The following KHDRBS3 variants were observed in gnomAD, a reference collection of about 807,000 sequenced individuals.
KHDRBS3 encodes KH RNA binding domain containing, signal transduction associated 3, also known as KH domain-containing, RNA-binding, signal transduction-associated protein 3.
KHDRBS3 carries 23 observed loss-of-function variants against 45.6 expected under a neutral mutation model. That is an observed-to-expected ratio of 0.50 (90% CI 0.36 to 0.72). The LOEUF is 0.72. KHDRBS3 is among the 30% of genes least tolerant of loss of function. The pLI is 0.00. For synonymous variants in KHDRBS3, 162 were observed against 156.5 expected, an observed-to-expected ratio of 1.04 and a Z score of -0.26; for missense variants, 352 against 424.8, an observed-to-expected ratio of 0.83 and a Z score of 1.51.
chr8:135,487,555 G>A (rs538077055), intron 1 of KHDRBS3, among the ~76,000 whole-genome samples: 9 of 152,168 alleles, frequency 5.9e-5, no homozygotes, highest in Non-Finnish European at 1.2e-4. Flanking sequence ...TGGTGGAAGC[G>A]TGCCCCAAGC....
At chr8:135,480,535 T>C (rs1040965804) in intron 1 of KHDRBS3, among the ~76,000 whole-genome samples, 1 of 152,176 alleles carries the variant, frequency 6.6e-6, no homozygotes, top group Non-Finnish European at 1.5e-5. Flanking sequence ...TCTTGTCTGT[T>C]TTGTAGAACC....
chr8:135,576,430 G>C (rs191676029), intron 5 of KHDRBS3, among the ~76,000 whole-genome samples: 1 of 152,174 alleles, frequency 6.6e-6, no homozygotes, highest in African/African-American at 2.4e-5. Flanking sequence ...TGTCAGTGTG[G>C]ACTCATGGAT....
intron 2 of KHDRBS3, among the ~76,000 whole-genome samples, chr8:135,524,096 A>G (rs1409877900): frequency 2.6e-5 from 4 of 151,980 alleles, no homozygotes; most frequent in East Asian, 3.9e-4. Context: ...ACTCACTGCA[A>G]CCTCCATCTC....
intron 6 of KHDRBS3, among the ~76,000 whole-genome samples, chr8:135,603,182 C>G (rs1056682692): frequency 1.7e-4 from 26 of 152,168 alleles, no homozygotes; most frequent in African/African-American, 6.3e-4. Context: ...ATAGTTGTCT[C>G]TTTAGTTGTC....
intron 1 of KHDRBS3, among the ~76,000 whole-genome samples, chr8:135,488,281 G>T (rs1822967514): frequency 1.3e-5 from 2 of 152,182 alleles, no homozygotes; most frequent in African/African-American, 2.4e-5. Flanking sequence ...ACTAAGCGGG[G>T]AATGAATTTT....
chr8:135,499,031 C>G (rs1213600282), intron 1 of KHDRBS3, among the ~76,000 whole-genome samples: 1 of 151,980 alleles, frequency 6.6e-6, no homozygotes, highest in East Asian at 1.9e-4. Context: ...ATTTCTCATA[C>G]CCTACAACCA....
chr8:135,613,548 A>G (rs1434947680), intron 7 of KHDRBS3, among the ~76,000 whole-genome samples: 2 of 151,804 alleles, frequency 1.3e-5, no homozygotes, highest in East Asian at 3.9e-4. Flanking sequence ...GGGAGGTAGC[A>G]CAGTGTGAGC....
intron 5 of KHDRBS3, among the ~76,000 whole-genome samples, chr8:135,569,835 G>A (rs1290194117): frequency 6.6e-6 from 1 of 152,114 alleles, no homozygotes; most frequent in Non-Finnish European, 1.5e-5. Context: ...AGGCTGCAAA[G>A]ACCTTGTTTC....
chr8:135,655,600 G>A (rs761528688), intron 4 of KHDRBS3, among the ~76,000 whole-genome samples: 5 of 152,180 alleles, frequency 3.3e-5, no homozygotes, highest in East Asian at 1.9e-4. Flanking sequence ...AGCCATCGGC[G>A]ATGTCCTGAG....
chr8:135,589,815 G>A (rs1340795785), intron 6 of KHDRBS3, among the ~76,000 whole-genome samples: 1 of 152,186 alleles, frequency 6.6e-6, no homozygotes, highest in African/African-American at 2.4e-5. Context: ...TGGACAACAT[G>A]ACCTTTGTCA....
At chr8:135,518,638 G>A (rs1824748893) in intron 1 of KHDRBS3, among the ~76,000 whole-genome samples, 1 of 152,314 alleles carries the variant, frequency 6.6e-6, no homozygotes, top group East Asian at 1.9e-4. Flanking sequence ...ATAATGAAGG[G>A]TGGGATTTAT....
chr8:135,492,008 ATGT>A (rs371468607), intron 1 of KHDRBS3, among the ~76,000 whole-genome samples: 6 of 151,582 alleles, frequency 4.0e-5, no homozygotes, highest in Admixed American at 1.3e-4. Flanking sequence ...ATGTTATTTA[ATGT>A]TGTTCTTTGA....
At chr8:135,469,523 G>GTTTTTTTTTTTTTTT (rs1821889086) in intron 1 of KHDRBS3, among the ~76,000 whole-genome samples, 3 of 46,184 alleles carry the variant, frequency 6.5e-5, no homozygotes, top group Non-Finnish European at 1.1e-4. Flanking sequence ...TTTTGTTTTG[G>GTTTTTTTTTTTTTTT]TTTTTTTTTT....
At chr8:135,589,595 A>G (rs768308724) in intron 6 of KHDRBS3, among the ~76,000 whole-genome samples, 2 of 152,194 alleles carry the variant, frequency 1.3e-5, no homozygotes, top group Non-Finnish European at 2.9e-5. Flanking sequence ...GCTTTAGATC[A>G]TGGAGCCTTC....
At chr8:135,619,131 G>T (rs1215895675) in intron 7 of KHDRBS3, among the ~76,000 whole-genome samples, 1 of 152,112 alleles carries the variant, frequency 6.6e-6, no homozygotes, top group African/African-American at 2.4e-5. Context: ...TCAGTGTTCT[G>T]TAAAGGACCA....
chr8:135,511,313 A>C (rs1824271711), intron 1 of KHDRBS3, among the ~76,000 whole-genome samples: 1 of 152,136 alleles, frequency 6.6e-6, no homozygotes. Context: ...TCGTTAAATA[A>C]ATTCCAGCTG....
chr8:135,644,589 A>G (rs762004428), intron 7 of KHDRBS3, among the ~76,000 whole-genome samples: 5 of 152,248 alleles, frequency 3.3e-5, no homozygotes, highest in Non-Finnish European at 5.9e-5. Flanking sequence ...GAAGAAATAA[A>G]GTCTTTGCCT....
chr8:135,646,845 C>T, intron 8 of KHDRBS3, 148 bp from the exon 9 acceptor site: 3 of 493,176 alleles, frequency 6.1e-6, no homozygotes, highest in South Asian at 3.6e-5. Flanking sequence ...TAAGTAAATT[C>T]CTTGTTTGTT....
intron 2 of KHDRBS3, among the ~76,000 whole-genome samples, chr8:135,531,999 T>C (rs1274514098): frequency 6.6e-6 from 1 of 152,158 alleles, no homozygotes; most frequent in Non-Finnish European, 1.5e-5. Flanking sequence ...TGATTGTTAT[T>C]TTCAGGGGTG....
Sources: allele counts gnomAD v4.1 joint callset (sites outside exome capture counted in the v4.1 genomes callset), GRCh38; gene constraint gnomAD v4.1.1; transcripts MANE v1.5; gene names NCBI Gene and HGNC (gene_info 2026-07-23, HGNC 2026-07-21).